Variants in CTNNA2 observed in about 807,000 individuals in gnomAD.
CTNNA2 encodes the protein catenin alpha 2.
In CTNNA2, 42 loss-of-function variants were observed where a neutral mutation model predicts 101.0. That is an observed-to-expected ratio of 0.42 (90% confidence interval 0.32 to 0.54). The LOEUF (loss-of-function observed/expected upper bound fraction) is 0.54, where lower values mean the gene tolerates loss of function less well. CTNNA2 is among the 20% of genes least tolerant of loss of function. The pLI, the probability that CTNNA2 is intolerant of heterozygous loss-of-function variation, is 0.14. For missense variants in CTNNA2, 871 were observed against 1,223.1 expected, an observed-to-expected ratio of 0.71 and a Z score of 4.29; for synonymous variants, 450 against 456.4, an observed-to-expected ratio of 0.99 and a Z score of 0.18.
chr2:79,807,339 G>A (rs761695598), intron 3 of CTNNA2, among the ~76,000 whole-genome samples: 4 of 151,992 alleles, frequency 2.6e-5, no homozygotes, highest in Admixed American at 6.6e-5. Context: ...AACATTTAAA[G>A]TGATGTTTAT....
intron 9 of CTNNA2, among the ~76,000 whole-genome samples, chr2:80,515,479 A>T (rs1689039888): frequency 6.6e-6 from 1 of 152,210 alleles, no homozygotes; most frequent in Admixed American, 6.5e-5. Flanking sequence ...AAGAAGGAGT[A>T]CCTGGGTCTT....
intron 7 of CTNNA2, among the ~76,000 whole-genome samples, chr2:80,343,563 G>A (rs1156380406): frequency 6.6e-6 from 1 of 152,102 alleles, no homozygotes; most frequent in Admixed American, 6.5e-5. Context: ...GCCAAGAAAT[G>A]TATGTGTGTT....
chr2:79,193,903 A>C (rs145052803), intron 1 of CTNNA2, among the ~76,000 whole-genome samples: 3 of 152,344 alleles, frequency 2.0e-5, no homozygotes, highest in African/African-American at 7.2e-5. Context: ...TAAGTGGGTT[A>C]ATACATGTAA....
At chr2:79,383,675 T>C (rs924367699) in intron 4 of CTNNA2, among the ~76,000 whole-genome samples, 4 of 152,342 alleles carry the variant, frequency 2.6e-5, no homozygotes, top group African/African-American at 9.6e-5. Flanking sequence ...TAGGTGGTTT[T>C]GGGCTTTAAC....
chr2:79,892,416 TA>T (rs145019981), intron 6 of CTNNA2, among the ~76,000 whole-genome samples: 179 of 151,542 alleles, frequency 1.2e-3, no homozygotes, highest in East Asian at 5.2e-3. Flanking sequence ...TTACCTGTAT[TA>T]AAAAAAAACC....
At chr2:79,580,907 T>C (rs939291468) in intron 1 of CTNNA2, among the ~76,000 whole-genome samples, 4 of 152,226 alleles carry the variant, frequency 2.6e-5, no homozygotes, top group African/African-American at 9.6e-5. Flanking sequence ...AATTCATTTA[T>C]AGCTTTGCAT....
At chr2:80,230,798 C>T (rs1391506811) in intron 7 of CTNNA2, among the ~76,000 whole-genome samples, 1 of 152,152 alleles carries the variant, frequency 6.6e-6, no homozygotes, top group Admixed American at 6.5e-5. Flanking sequence ...AGGTAGAGTT[C>T]ATTCCCAAAG....
At chr2:80,577,263 T>C (rs1228934336) in intron 13 of CTNNA2, among the ~76,000 whole-genome samples, 2 of 152,104 alleles carry the variant, frequency 1.3e-5, no homozygotes, top group Non-Finnish European at 2.9e-5. Context: ...TCAAACATTA[T>C]GCCACAGAGA....
intron 2 of CTNNA2, among the ~76,000 whole-genome samples, chr2:79,303,885 G>T (rs935433795): frequency 6.6e-6 from 1 of 152,012 alleles, no homozygotes; most frequent in African/African-American, 2.4e-5. Flanking sequence ...GAGAAAGATA[G>T]AGAGATAAGA....
chr2:79,188,711 G>A (rs1673814300), intron 1 of CTNNA2, among the ~76,000 whole-genome samples: 1 of 152,214 alleles, frequency 6.6e-6, no homozygotes, highest in African/African-American at 2.4e-5. Context: ...ATATTTTAAA[G>A]TCAGGGAGTA....
In CTNNA2 at chr2:79,388,457, A is replaced by C. The variant is rs550734512; in HGVS notation, c.-135+14444A>C. Among the ~76,000 whole-genome samples the C allele has an allele frequency of 2.5e-4, 38 of 152,360 alleles. 1 individual carries two copies. The South Asian group carries it at 5.8e-3, about 23-fold the overall frequency. ...ATAGAACCAGAAATATTTAGTGAACAGAATTATTGACTATTTAGGTCTCCA... is the reference window on the plus strand; with the variant it reads ...ATAGAACCAGAAATATTTAGTGAACCGAATTATTGACTATTTAGGTCTCCA... On this transcript the variant is annotated intron_variant, in intron 4 of 21. Coordinates refer to the CTNNA2 transcript ENST00000466387.
At chr2:79,403,075 T>G (rs1187341018) in intron 4 of CTNNA2, among the ~76,000 whole-genome samples, 1 of 151,554 alleles carries the variant, frequency 6.6e-6, no homozygotes, top group Non-Finnish European at 1.5e-5. Context: ...ACAGGAAAAT[T>G]CAACCCAAAG....
At chr2:79,464,142 C>T (rs1670907336) in intron 4 of CTNNA2, among the ~76,000 whole-genome samples, 2 of 152,134 alleles carry the variant, frequency 1.3e-5, no homozygotes, top group African/African-American at 4.8e-5. Context: ...CTCCCATCAC[C>T]CCACGACAGG....
At chr2:79,898,601 A>G (rs950564828) in intron 6 of CTNNA2, among the ~76,000 whole-genome samples, 1 of 152,154 alleles carries the variant, frequency 6.6e-6, no homozygotes, top group Admixed American at 6.5e-5. Flanking sequence ...TTATAAAGTG[A>G]AGATTTCTCA....
chr2:80,565,465 C>T (rs75562836), intron 12 of CTNNA2, among the ~76,000 whole-genome samples: 1,870 of 151,840 alleles, frequency 0.012, 46 homozygotes, highest in African/African-American at 0.044. Context: ...ATTGTACCAA[C>T]TTCCCGGTTT....
intron 6 of CTNNA2, 81 bp downstream of exon 6, chr2:79,874,423 C>T: frequency 2.7e-6 from 4 of 1,459,500 alleles, no homozygotes; most frequent in Non-Finnish European, 3.7e-6. Context: ...TGAAGGGCCA[C>T]TACAATAATT....
chr2:79,214,290 G>A (rs1329678854), intron 2 of CTNNA2, among the ~76,000 whole-genome samples: 1 of 152,106 alleles, frequency 6.6e-6, no homozygotes, highest in Non-Finnish European at 1.5e-5. Context: ...AAGAGAGGCT[G>A]GGATGAAGGG....
At chr2:80,054,366 A>C (rs1248218135) in intron 7 of CTNNA2, among the ~76,000 whole-genome samples, 1 of 152,216 alleles carries the variant, frequency 6.6e-6, no homozygotes, top group Non-Finnish European at 1.5e-5. Flanking sequence ...CTTAAGCTCA[A>C]GGAGGTTGTT....
intron 9 of CTNNA2, among the ~76,000 whole-genome samples, chr2:80,468,429 T>TTTA (rs1441823469): frequency 7.2e-6 from 1 of 139,280 alleles, no homozygotes; most frequent in African/African-American, 3.3e-5. Flanking sequence ...TATTTATTTA[T>TTTA]TTTTTTTGAG....
Sources: gnomAD v4.1 joint callset for allele counts (sites outside exome capture counted in the v4.1 genomes callset) on GRCh38, gnomAD v4.1.1 for gene constraint, MANE v1.5 for transcripts, NCBI Gene and HGNC (gene_info 2026-07-23, HGNC 2026-07-21) for gene names.